Variants in STAB2 observed in about 807,000 individuals in gnomAD.
The protein encoded by STAB2 is stabilin 2, also known as stabilin-2.
A neutral mutation model predicts 338.1 loss-of-function variants in STAB2; 288 were observed. The observed-to-expected ratio is 0.85, with a 90% CI of 0.77 to 0.94. The LOEUF is 0.94. STAB2 is among the 40% of genes least tolerant of loss of function. The pLI, the probability that STAB2 is intolerant of heterozygous loss-of-function variation, is 0.00. For synonymous variants in STAB2, 1,202 were observed against 1,193.3 expected, an observed-to-expected ratio of 1.01 and a Z score of -0.15; for missense variants, 3,141 against 3,210.1, an observed-to-expected ratio of 0.98 and a Z score of 0.52.
intron 28 of STAB2, 142 bp from the exon 29 acceptor site, chr12:103,689,704 G>A: frequency 2.0e-6 from 2 of 991,214 alleles, no homozygotes; most frequent in Non-Finnish European, 2.9e-6. Flanking sequence ...GCAACAGCCA[G>A]TGGGTGGGGT....
At chr12:103,714,192 C>A (rs948449394) in intron 42 of STAB2, among the ~76,000 whole-genome samples, 7 of 152,108 alleles carry the variant, frequency 4.6e-5, no homozygotes, top group African/African-American at 1.2e-4. Context: ...GGATATACAG[C>A]ATTTACTATG....
chr12:103,595,213 A>C (rs1956857463), intron 3 of STAB2, among the ~76,000 whole-genome samples: 1 of 152,130 alleles, frequency 6.6e-6, no homozygotes, highest in African/African-American at 2.4e-5. Flanking sequence ...AATTATGTAA[A>C]GTCTTCTTTT....
chr12:103,665,284 T>C (rs1045613808), intron 18 of STAB2, among the ~76,000 whole-genome samples: 33 of 152,202 alleles, frequency 2.2e-4, no homozygotes, highest in African/African-American at 7.5e-4. Flanking sequence ...GCTGAATCTA[T>C]AGCTGCCTTT....
chr12:103,733,150 T>A lies in STAB2; in HGVS notation c.5428T>A (p.Tyr1810Asn), dbSNP rs780419511. 1 of 1,613,538 alleles carries A rather than the reference T, an allele frequency of 6.2e-7. No homozygotes were observed. Among genetic ancestry groups the A allele is most frequent in the Non-Finnish European group, 8.5e-7 (1 of 1,179,886 alleles). The change falls in exon 51 of 69, where the codon TAT (tyrosine) becomes AAT (asparagine). Residue 1810 changes from tyrosine to asparagine, a missense_variant. Physicochemically the swap from Tyr to Asn is moderately radical, Grantham distance 143. Transcript: ENST00000388887. The part of the protein sequence containing the change: ...NQDNKDKLKE[Y>N]LKFHVIRDAK... ...AGACAACAAGGACAAGCTGAAGGAG[T>A]ATTTGAAGTTTCATGTGATACGAGA...
At chr12:103,683,697 A>C (rs1327665188) in intron 26 of STAB2, among the ~76,000 whole-genome samples, 7 of 152,238 alleles carry the variant, frequency 4.6e-5, no homozygotes, top group Non-Finnish European at 8.8e-5. Flanking sequence ...AGGATAGTTT[A>C]AGAGGTAACC....
chr12:103,745,331 C>A, intron 57 of STAB2, 54 bp downstream of exon 57: 1 of 1,513,584 alleles, frequency 6.6e-7, no homozygotes, highest in Non-Finnish European at 9.0e-7. Context: ...GTGGACACTG[C>A]CAAGAGCATA....
chr12:103,632,241 G>T (rs1197813415), intron 6 of STAB2, among the ~76,000 whole-genome samples: 2 of 152,186 alleles, frequency 1.3e-5, no homozygotes, highest in Non-Finnish European at 1.5e-5. Flanking sequence ...GAAACCAAGG[G>T]GTGATTTAAA....
intron 56 of STAB2, among the ~76,000 whole-genome samples, chr12:103,744,350 C>T (rs1028472538): frequency 5.3e-5 from 8 of 151,792 alleles, no homozygotes; most frequent in South Asian, 2.1e-4. Context: ...TTGAGTCTCC[C>T]TATGTTCCCC....
intron 18 of STAB2, among the ~76,000 whole-genome samples, chr12:103,663,352 C>T (rs1874787903): frequency 1.3e-5 from 2 of 152,040 alleles, no homozygotes; most frequent in South Asian, 2.1e-4. Context: ...GCCATGCTCC[C>T]TCTGAAGGCT....
At position 103,685,059 on chromosome 12, in the gene STAB2, T is replaced by C. The variant is rs1357195844; in HGVS notation, c.2972T>C (p.Phe991Ser). ...VCQEGYEGDG[F>S]LCYGNAAVEL... is the part of the protein sequence containing the mutation. ...CAAGAGGGCTATGAAGGAGATGGCT[T>C]TCTGTGCTATGGAAACGCAGCAGTG... is the stretch of plus-strand genomic sequence containing the variant. Residue 991 changes from phenylalanine to serine, a missense_variant, in exon 27 of 69, where the codon TTT (phenylalanine) becomes TCT (serine). Physicochemically the swap from Phe to Ser is radical, Grantham distance 155 (BLOSUM62 -2). Coordinates refer to ENST00000388887, the MANE Select transcript of STAB2 (RefSeq NM_017564.10). 1.2e-6 allele frequency: 2 copies of C among 1,614,040 alleles called. No individual in the cohort carries two copies.
At chr12:103,632,015 A>G (rs1050404773) in intron 6 of STAB2, among the ~76,000 whole-genome samples, 2 of 152,130 alleles carry the variant, frequency 1.3e-5, no homozygotes, top group African/African-American at 4.8e-5. Context: ...ACCCATCTCA[A>G]CAAGTGAGTC....
intron 21 of STAB2, among the ~76,000 whole-genome samples, 172 bp from the exon 22 acceptor site, chr12:103,670,524 C>T (rs1038675474): frequency 6.6e-6 from 1 of 152,146 alleles, no homozygotes; most frequent in Non-Finnish European, 1.5e-5. Context: ...TTCCCAAGCT[C>T]GGCACTGCTT....
At position 103,652,671 on chromosome 12, in the gene STAB2, C is replaced by T. The variant is rs1029306633; in HGVS notation, c.1373C>T (p.Thr458Ile). The stretch of plus-strand genomic sequence containing the variant: ...AACACAGACATGTTCTACACCTTGA[C>T]TGGAAAGTCGGGGGAAATCTTCAAC... ...MNNTDMFYTLTGKSGEIFNSD... is the reference protein window; with the variant it reads ...MNNTDMFYTLIGKSGEIFNSD... The change falls in exon 12 of 69, where the codon ACT becomes ATT. Residue 458 changes from threonine to isoleucine, a missense_variant. Transcript: ENST00000388887. 3.1e-6 allele frequency: 5 copies of T among 1,602,068 alleles called. No homozygotes were observed. In the South Asian group the frequency reaches 3.4e-5, roughly 11 times the overall value.
At chr12:103,750,357 G>C (rs920925204) in intron 59 of STAB2, among the ~76,000 whole-genome samples, 2 of 152,246 alleles carry the variant, frequency 1.3e-5, no homozygotes, top group East Asian at 3.8e-4. Context: ...CAGGGAGGCT[G>C]TCTCTGAGGA....
At chr12:103,755,916 C>A (rs905499170) in intron 63 of STAB2, among the ~76,000 whole-genome samples, 198 bp downstream of exon 63, 1 of 152,192 alleles carries the variant, frequency 6.6e-6, no homozygotes, top group Admixed American at 6.5e-5. Context: ...CTCTGGGACT[C>A]AATTTCCTCA....
intron 48 of STAB2, 134 bp from the exon 49 acceptor site, chr12:103,729,982 A>G: frequency 5.4e-6 from 4 of 740,076 alleles, no homozygotes; most frequent in Non-Finnish European, 8.2e-6. Context: ...TAATAAAAAT[A>G]CACTCAAGTA....
chr12:103,759,789 G>A (rs958766094), intron 65 of STAB2, among the ~76,000 whole-genome samples: 3 of 152,184 alleles, frequency 2.0e-5, no homozygotes, highest in Admixed American at 2.0e-4. Flanking sequence ...CTGTGGCTGG[G>A]CCTGAGAATT....
chr12:103,732,936 GA>G, intron 50 of STAB2, 69 bp from the exon 51 acceptor site: 1 of 1,557,904 alleles, frequency 6.4e-7, no homozygotes, highest in Non-Finnish European at 8.7e-7. Flanking sequence ...AGAATCCTCA[GA>G]GACAGAACCC....
chr12:103,704,181 C>T (rs1311099970), intron 35 of STAB2, among the ~76,000 whole-genome samples: 2 of 152,216 alleles, frequency 1.3e-5, no homozygotes, highest in East Asian at 1.9e-4. Context: ...TGGGGCATCT[C>T]CATGCTGAAC....
Sources: allele counts gnomAD v4.1 joint callset (sites outside exome capture counted in the v4.1 genomes callset), GRCh38; gene constraint gnomAD v4.1.1; transcripts MANE v1.5; gene names NCBI Gene and HGNC (gene_info 2026-07-23, HGNC 2026-07-21).